PTPRK: variants seen among roughly 807,000 people sequenced by gnomAD.
PTPRK encodes receptor-type tyrosine-protein phosphatase kappa.
In PTPRK, 75 loss-of-function variants were observed where a neutral mutation model predicts 178.0. The observed-to-expected ratio is 0.42, with a 90% confidence interval of 0.35 to 0.51. The LOEUF is 0.51. PTPRK is among the 20% of genes least tolerant of loss of function. The pLI is 0.02. For synonymous variants in PTPRK, 637 were observed against 620.6 expected (o/e 1.03, Z -0.39); for missense variants, 1,441 against 1,797.8 (o/e 0.80, Z 3.59).
chr6:128,238,913 T>C (rs1038246193), intron 5 of PTPRK, among the ~76,000 whole-genome samples: 1 of 152,126 alleles, frequency 6.6e-6, no homozygotes, highest in African/African-American at 2.4e-5. Context: ...TAACCTCCAA[T>C]TGGAATGCTG....
chr6:128,493,168 A>C (rs1355304068), intron 1 of PTPRK, among the ~76,000 whole-genome samples: 1 of 152,222 alleles, frequency 6.6e-6, no homozygotes, highest in African/African-American at 2.4e-5. Context: ...CTTTTTCCTA[A>C]GAGCAAATTC....
chr6:128,203,260 A>G (rs1180357058), intron 6 of PTPRK, among the ~76,000 whole-genome samples: 1 of 152,178 alleles, frequency 6.6e-6, no homozygotes, highest in African/African-American at 2.4e-5. Flanking sequence ...AAACCAATGG[A>G]AAAGACTTCA....
chr6:128,080,835 T>C, intron 10 of PTPRK, among the ~76,000 whole-genome samples: 1 of 152,096 alleles, frequency 6.6e-6, no homozygotes, highest in East Asian at 1.9e-4. Flanking sequence ...TTAATAATTG[T>C]TCTTAACATA....
chr6:128,042,617 A>G (rs1221382892), intron 13 of PTPRK, among the ~76,000 whole-genome samples: 1 of 152,064 alleles, frequency 6.6e-6, no homozygotes, highest in Non-Finnish European at 1.5e-5. Context: ...CTACCTGGAA[A>G]ATGCAGAATA....
intron 7 of PTPRK, 135 bp from the exon 8 acceptor site, chr6:128,090,127 A>G (rs1786669886): frequency 4.2e-6 from 3 of 710,750 alleles, no homozygotes; most frequent in Non-Finnish European, 6.8e-6. Context: ...CCTTTGCTTT[A>G]TTTATTCATG....
intron 7 of PTPRK, among the ~76,000 whole-genome samples, chr6:128,109,194 T>G (rs1277275488): frequency 6.6e-6 from 1 of 152,160 alleles, no homozygotes; most frequent in Non-Finnish European, 1.5e-5. Flanking sequence ...ATCAGCCTTC[T>G]AAATGAGTCC....
chr6:128,184,864 G>A (rs969714187), intron 6 of PTPRK, 139 bp from the exon 7 acceptor site: 23 of 886,688 alleles, frequency 2.6e-5, no homozygotes, highest in East Asian at 1.3e-4. Context: ...ACTAGAAGAC[G>A]CATGATCTGA....
At chr6:128,058,496 C>G (rs28874136) in intron 13 of PTPRK, among the ~76,000 whole-genome samples, 2,806 of 152,112 alleles carry the variant, frequency 0.018, 76 homozygotes, top group East Asian at 0.057. Context: ...TGGATTGTCT[C>G]TTGTCTCCTC....
chr6:128,240,538 T>G (rs141088993), intron 4 of PTPRK, among the ~76,000 whole-genome samples: 1 of 152,116 alleles, frequency 6.6e-6, no homozygotes, highest in South Asian at 2.1e-4. Flanking sequence ...TATAAAGATA[T>G]AATGAAAACA....
intron 11 of PTPRK, among the ~76,000 whole-genome samples, chr6:128,076,300 A>T (rs1783798462): frequency 1.3e-5 from 2 of 151,986 alleles, no homozygotes; most frequent in South Asian, 4.1e-4. Flanking sequence ...GCTGGTAGGG[A>T]GACTGAAAGT....
At chr6:128,265,830 G>A (rs950862411) in intron 3 of PTPRK, among the ~76,000 whole-genome samples, 1 of 152,112 alleles carries the variant, frequency 6.6e-6, no homozygotes, top group African/African-American at 2.4e-5. Flanking sequence ...AAATTCTTAT[G>A]TTGAAATTTG....
chr6:128,009,087 C>A (rs760668194), intron 14 of PTPRK, 43 bp downstream of exon 14: 57 of 1,515,196 alleles, frequency 3.8e-5, no homozygotes, highest in Non-Finnish European at 4.7e-5. Context: ...AAACCAGTGA[C>A]ATAAATGGTA....
chr6:128,115,997 T>C (rs1583074129), intron 7 of PTPRK, among the ~76,000 whole-genome samples: 1 of 152,126 alleles, frequency 6.6e-6, no homozygotes, highest in African/African-American at 2.4e-5. Flanking sequence ...AAAGCCCTCC[T>C]TAACATTCCT....
intron 13 of PTPRK, among the ~76,000 whole-genome samples, chr6:128,056,065 T>A (rs76356300): frequency 0.025 from 3,815 of 151,584 alleles, 161 homozygotes; most frequent in African/African-American, 0.088. Flanking sequence ...TTTCCTTTCT[T>A]CTCCTTTTCT....
At chr6:128,050,968 T>A (rs933376143) in intron 13 of PTPRK, among the ~76,000 whole-genome samples, 2 of 152,198 alleles carry the variant, frequency 1.3e-5, no homozygotes, top group Non-Finnish European at 2.9e-5. Context: ...ATTTTCAAAC[T>A]TTTAAAAATT....
chr6:128,125,062 C>G (rs1232469059), intron 7 of PTPRK, among the ~76,000 whole-genome samples: 1 of 152,204 alleles, frequency 6.6e-6, no homozygotes, highest in East Asian at 1.9e-4. Flanking sequence ...TAATTAATCC[C>G]TTTCTACAAA....
chr6:128,077,398 T>C (rs1784030324), intron 11 of PTPRK, among the ~76,000 whole-genome samples: 1 of 152,022 alleles, frequency 6.6e-6, no homozygotes, highest in African/African-American at 2.4e-5. Flanking sequence ...TTCTCTGGTA[T>C]AGTGTTCTCA....
chr6:128,382,032 A>G (rs573753054), intron 2 of PTPRK, among the ~76,000 whole-genome samples: 1 of 151,568 alleles, frequency 6.6e-6, no homozygotes, highest in African/African-American at 2.4e-5. Flanking sequence ...AAAATACAAG[A>G]ATTAGCCAGG....
chr6:128,215,686 AAAGCC>A (rs1326338043), intron 6 of PTPRK, among the ~76,000 whole-genome samples: 1 of 152,164 alleles, frequency 6.6e-6, no homozygotes, highest in Admixed American at 6.5e-5. Flanking sequence ...CAGCAACAAA[AAAGCC>A]TTAAGCATGC....
Sources: gnomAD v4.1 joint callset for allele counts (sites outside exome capture counted in the v4.1 genomes callset) on GRCh38, gnomAD v4.1.1 for gene constraint, MANE v1.5 for transcripts, NCBI Gene and HGNC (gene_info 2026-07-23, HGNC 2026-07-21) for gene names.